The following CYSLTR2 variants were observed in gnomAD, a reference collection of about 807,000 sequenced individuals.
The protein encoded by CYSLTR2 is G-protein coupled receptor GPCR21.
For missense variants in CYSLTR2, 398 were observed against 411.9 expected (o/e 0.97, Z 0.29); for synonymous variants, 179 against 160.8 (o/e 1.11, Z -0.86).
At chr13:48,668,112 T>TC (rs1173971871) in intron 1 of CYSLTR2, among the ~76,000 whole-genome samples, 2 of 152,104 alleles carry the variant, frequency 1.3e-5, no homozygotes, top group Non-Finnish European at 2.9e-5. Flanking sequence ...GACTGTCCAT[T>TC]CCCCATGAAA....
intron 1 of CYSLTR2, among the ~76,000 whole-genome samples, chr13:48,672,072 G>A (rs1953446401): frequency 6.6e-6 from 1 of 152,146 alleles, no homozygotes; most frequent in Non-Finnish European, 1.5e-5. Flanking sequence ...TATTTGCATA[G>A]AGGTGTTTTA....
intron 1 of CYSLTR2, among the ~76,000 whole-genome samples, chr13:48,688,396 A>C (rs1205167587): frequency 6.6e-6 from 1 of 152,118 alleles, no homozygotes; most frequent in African/African-American, 2.4e-5. Flanking sequence ...TCCTAAGGCT[A>C]TCCGTCCTCT....
chr13:48,654,251 T>TTGTGTGTGTGTG (rs372575519), intron 1 of CYSLTR2, among the ~76,000 whole-genome samples: 3 of 129,308 alleles, frequency 2.3e-5, no homozygotes, highest in Admixed American at 8.2e-5. Flanking sequence ...GATCGTCCCT[T>TTGTGTGTGTGTG]TGTGTGTGTG....
intron 4 of CYSLTR2, among the ~76,000 whole-genome samples, chr13:48,703,514 T>C (rs990702637): frequency 6.6e-6 from 1 of 152,148 alleles, no homozygotes; most frequent in Non-Finnish European, 1.5e-5. Flanking sequence ...TTTCTGAGAG[T>C]TTTGATTGTG....
chr13:48,663,951 T>C (rs1175848469), intron 1 of CYSLTR2, among the ~76,000 whole-genome samples: 5 of 152,094 alleles, frequency 3.3e-5, no homozygotes, highest in African/African-American at 1.2e-4. Context: ...TAGTAAGATG[T>C]TTGCTGTGAG....
intron 1 of CYSLTR2, among the ~76,000 whole-genome samples, chr13:48,676,714 C>A (rs1202096381): frequency 6.6e-6 from 1 of 152,118 alleles, no homozygotes; most frequent in African/African-American, 2.4e-5. Context: ...TAAGACTATC[C>A]TGTAGGCAAC....
In CYSLTR2 at chr13:48,710,070, G is replaced by A. The variant is rs1375495866; in HGVS notation, c.*2212G>A. ...GGAAAAGAAACTTTTGTATTAGAGA[G>A]GAAATATAACCACAGTACACTACAT... is the stretch of plus-strand genomic sequence containing the variant. On this transcript the variant is annotated 3_prime_UTR_variant, in exon 5 of 5. Transcript: ENST00000682523. 1.3e-5 allele frequency: 2 copies of A among 152,120 alleles called. No homozygotes were observed. Among genetic ancestry groups the A allele is most frequent in the African/African-American group, 2.4e-5 (1 of 41,400 alleles). 9.4% of individuals were successfully genotyped at this position (152,120 alleles called of 1,614,324 possible).
intron 1 of CYSLTR2, among the ~76,000 whole-genome samples, chr13:48,654,736 C>A (rs1204659782): frequency 6.6e-6 from 1 of 152,096 alleles, no homozygotes; most frequent in African/African-American, 2.4e-5. Flanking sequence ...GCACATCTGG[C>A]CAGAATCACC....
intron 1 of CYSLTR2, among the ~76,000 whole-genome samples, chr13:48,664,988 A>G (rs1249719984): frequency 6.6e-6 from 1 of 151,984 alleles, no homozygotes. Context: ...GCTGTGCCCC[A>G]TAGTTTTTGG....
At chr13:48,669,485 T>C (rs1953360738) in intron 1 of CYSLTR2, among the ~76,000 whole-genome samples, 1 of 152,060 alleles carries the variant, frequency 6.6e-6, no homozygotes, top group Non-Finnish European at 1.5e-5. Flanking sequence ...TGTCCATGTG[T>C]TCTCATTGTT....
At chr13:48,687,359 A>T (rs1392073450) in intron 1 of CYSLTR2, among the ~76,000 whole-genome samples, 1 of 150,232 alleles carries the variant, frequency 6.7e-6, no homozygotes, top group South Asian at 2.1e-4. Context: ...ATCTATTATC[A>T]TCTATCTACT....
At position 48,709,689 on chromosome 13, in the gene CYSLTR2, C is replaced by G. The variant is rs147621551; in HGVS notation, c.*1831C>G. ...AAGGCCGTAACATGAAAGGCACCAA[C>G]AAATAAATGTGAGAGTAGATAGAGA... On this transcript the variant is annotated 3_prime_UTR_variant, in exon 5 of 5. Transcript: ENST00000682523. 6.6e-6 allele frequency: 1 copy of G among 152,144 alleles called. No individual in the cohort carries two copies. The highest frequency in any genetic ancestry group is 2.1e-4 in the South Asian group (1 of 4,824). The allele number at this position is 152,144 out of a possible 1,614,324, so 9.4% of individuals were successfully genotyped here. A position where few individuals can be genotyped will look rare whatever the true frequency, so the allele number is the denominator to read the frequency against.
chr13:48,666,682 G>A (rs935384314), intron 1 of CYSLTR2, among the ~76,000 whole-genome samples: 1 of 151,944 alleles, frequency 6.6e-6, no homozygotes. Flanking sequence ...GTCTGTTGTT[G>A]AAGCTCTCTA....
intron 1 of CYSLTR2, among the ~76,000 whole-genome samples, chr13:48,669,361 A>G (rs1282597218): frequency 6.6e-6 from 1 of 151,618 alleles, no homozygotes; most frequent in East Asian, 1.9e-4. Flanking sequence ...ACATGCCATG[A>G]TTGTTTGCTG....
intron 1 of CYSLTR2, among the ~76,000 whole-genome samples, chr13:48,667,759 T>A (rs1953303781): frequency 6.6e-6 from 1 of 152,230 alleles, no homozygotes; most frequent in African/African-American, 2.4e-5. Context: ...TTGCACAGTA[T>A]GTGCTAGCTC....
Position 48,694,976 on chromosome 13 carries a change from C to A in CYSLTR2, c.-103+1466C>A, listed in dbSNP as rs150219485. ...TCCATTTGGAGATAATTAAAAATTC[C>A]CATGCACATGTAAAAAAAAAATAGA... is the stretch of plus-strand genomic sequence containing the variant. On this transcript the variant is annotated intron_variant, in intron 3 of 4. Transcript: ENST00000682523. Among the ~76,000 whole-genome samples, 395 of 151,778 alleles carry A rather than the reference C, an allele frequency of 2.6e-3. 3 individuals are homozygous for A. The highest frequency in any genetic ancestry group is 9.1e-3 in the African/African-American group (376 of 41,356).
chr13:48,678,188 T>C (rs181882237), intron 1 of CYSLTR2, among the ~76,000 whole-genome samples: 1 of 152,226 alleles, frequency 6.6e-6, no homozygotes, highest in Non-Finnish European at 1.5e-5. Context: ...TTTGTATTTT[T>C]AGTAGAGATG....
intron 1 of CYSLTR2, among the ~76,000 whole-genome samples, chr13:48,660,292 A>T (rs1305785941): frequency 1.3e-5 from 2 of 152,130 alleles, no homozygotes; most frequent in African/African-American, 4.8e-5. Flanking sequence ...ATCCCTGGGG[A>T]TAAGTTGTTC....
chr13:48,668,944 CT>C (rs1192050874), intron 1 of CYSLTR2, among the ~76,000 whole-genome samples: 1 of 152,012 alleles, frequency 6.6e-6, no homozygotes, highest in Non-Finnish European at 1.5e-5. Context: ...TGAACTCATT[CT>C]TTTTTATGGC....
Sources: allele counts gnomAD v4.1 joint callset (sites outside exome capture counted in the v4.1 genomes callset), GRCh38; gene constraint gnomAD v4.1.1; transcripts MANE v1.5; gene names NCBI Gene and HGNC (gene_info 2026-07-23, HGNC 2026-07-21).